Variants in COL25A1 observed in about 807,000 individuals in gnomAD.
COL25A1 encodes collagen type XXV alpha 1 chain, also known as collagen alpha-1(XXV) chain.
A neutral mutation model predicts 128.4 loss-of-function variants in COL25A1; 103 were observed. The observed-to-expected ratio is 0.80, with a 90% confidence interval of 0.68 to 0.94. The LOEUF (loss-of-function observed/expected upper bound fraction) is 0.94. Among genes scored for constraint, COL25A1 ranks in the 40% least tolerant of loss-of-function variants. COL25A1 has a pLI of 0.00. For synonymous variants in COL25A1, 279 were observed against 277.2 expected (o/e 1.01, Z -0.06); for missense variants, 745 against 840.0 (o/e 0.89, Z 1.40).
chr4:109,160,178 T>C (rs982557302), intron 3 of COL25A1, among the ~76,000 whole-genome samples: 1 of 152,222 alleles, frequency 6.6e-6, no homozygotes, highest in Non-Finnish European at 1.5e-5. Flanking sequence ...TTGCTTTTTC[T>C]AATTTATATT....
chr4:109,250,501 C>G (rs901811728), intron 3 of COL25A1, among the ~76,000 whole-genome samples: 4 of 151,882 alleles, frequency 2.6e-5, no homozygotes, highest in African/African-American at 9.7e-5. Flanking sequence ...ACCAAAAGGG[C>G]CAATGGTATA....
rs536455443 is a variant in COL25A1, at chr4:109,109,198, A to G, written c.368-59019T>C. ...CCTCCTCCTGGGTTCAAGCTATTCCAGTGCCTCATCTTTCCAAATAGCTGG... is the reference window on the plus strand; with the variant it reads ...CCTCCTCCTGGGTTCAAGCTATTCCGGTGCCTCATCTTTCCAAATAGCTGG... On this transcript the variant is annotated intron_variant, in intron 3 of 37. Coordinates refer to ENST00000399132, the MANE Select transcript of COL25A1 (RefSeq NM_198721.4). Among the ~76,000 whole-genome samples, 5 of 152,118 alleles carry G rather than the reference A, an allele frequency of 3.3e-5. No individual in the cohort carries two copies. The South Asian group carries it at 1.0e-3, about 32-fold the overall frequency.
intron 13 of COL25A1, among the ~76,000 whole-genome samples, chr4:108,915,900 CA>C (rs1410888158): frequency 1.3e-5 from 2 of 152,072 alleles, no homozygotes; most frequent in Admixed American, 1.3e-4. Flanking sequence ...CTTAGAAAAA[CA>C]AATTCTAGAG....
chr4:108,937,841 A>G lies in COL25A1; in HGVS notation c.675T>C (p.Gly225=). Residue 225 remains glycine (G), a splice_region_variant and synonymous_variant, in exon 11 of 38, where the codon GGT becomes GGC. Transcript: ENST00000399132. ...CTTGTTCTCCTGGCTTTCCTGGTTC[A>G]CCCTTAAAAAAGAATAGTGATAATT... ...DGPRGMPGVP[G]EPGKPGEQGL... 1.2e-6 allele frequency: 2 copies of G among 1,605,360 alleles called. No homozygotes were observed. The highest frequency in any genetic ancestry group is 1.7e-6 in the Non-Finnish European group (2 of 1,176,706).
intron 16 of COL25A1, among the ~76,000 whole-genome samples, chr4:108,895,283 C>T (rs1039681066): frequency 1.3e-5 from 2 of 152,074 alleles, no homozygotes; most frequent in Non-Finnish European, 2.9e-5. Context: ...TAGTAATTTT[C>T]AAAGTGGAAT....
At position 109,029,474 on chromosome 4, in the gene COL25A1, A is replaced by C. The variant is rs374275167; in HGVS notation, c.420+18694T>G. Among the ~76,000 whole-genome samples, 5 of 152,286 alleles carry C rather than the reference A, an allele frequency of 3.3e-5. No individual in the cohort carries two copies. In the East Asian group the frequency reaches 9.7e-4, roughly 29 times the overall value. ...GGAAGGGCGAGTACAGCACAGTAAAATATGTTGAGAGACCAAATTTATATA... is the reference window on the plus strand; with the variant it reads ...GGAAGGGCGAGTACAGCACAGTAAACTATGTTGAGAGACCAAATTTATATA... On this transcript the variant is annotated intron_variant, in intron 5 of 37. Transcript: ENST00000399132.
At chr4:109,101,205 GA>G (rs1353803936) in intron 3 of COL25A1, among the ~76,000 whole-genome samples, 4 of 152,136 alleles carry the variant, frequency 2.6e-5, no homozygotes, top group Non-Finnish European at 5.9e-5. Flanking sequence ...GAGTAAAAAA[GA>G]ACCACAAGAC....
chr4:109,095,528 T>C (rs1251961826), intron 3 of COL25A1, among the ~76,000 whole-genome samples: 1 of 152,162 alleles, frequency 6.6e-6, no homozygotes, highest in African/African-American at 2.4e-5. Flanking sequence ...ACTACTGGTG[T>C]GCAGCCCACA....
chr4:109,007,567 C>A (rs1398808392), intron 6 of COL25A1, among the ~76,000 whole-genome samples: 2 of 151,884 alleles, frequency 1.3e-5, no homozygotes, highest in Non-Finnish European at 2.9e-5. Flanking sequence ...AATTTATTGA[C>A]TTCCTTTTGC....
chr4:109,081,118 T>C (rs1295807243), intron 3 of COL25A1, among the ~76,000 whole-genome samples: 1 of 152,212 alleles, frequency 6.6e-6, no homozygotes, highest in Non-Finnish European at 1.5e-5. Flanking sequence ...CATAATTTAC[T>C]GTGCATCTCC....
At chr4:108,824,922 T>C (rs1005039142) in intron 34 of COL25A1, among the ~76,000 whole-genome samples, 4 of 152,196 alleles carry the variant, frequency 2.6e-5, no homozygotes, top group Non-Finnish European at 5.9e-5. Flanking sequence ...GTCATGCTGA[T>C]GTTAAGAGTA....
chr4:108,922,029 A>G (rs913614760), intron 11 of COL25A1, among the ~76,000 whole-genome samples: 2 of 152,122 alleles, frequency 1.3e-5, no homozygotes, highest in East Asian at 1.9e-4. Context: ...CCCTCCTCCT[A>G]TACAAGGCAA....
In COL25A1 at chr4:109,050,149, C is replaced by G; in HGVS notation, c.398G>C (p.Arg133Pro). 6.2e-7 allele frequency: 1 copy of G among 1,608,894 alleles called. No individual in the cohort carries two copies. The highest frequency in any genetic ancestry group is 8.5e-7 in the Non-Finnish European group (1 of 1,176,670). ...GAGAGACTTACCAGATTCTCCTCTT[C>G]GGCCTCTCTTACCTCGTTTCCCTGG... ...GPPGKRGKRG[R>P]RGESGPPGQP... is the part of the protein sequence containing the mutation. The change falls in exon 4 of 38, where the codon CGA (arginine) becomes CCA (proline). Residue 133 changes from arginine (R) to proline (P), a missense_variant. Arg to Pro is a moderately radical substitution (Grantham distance 103, BLOSUM62 -2). Transcript: ENST00000399132.
intron 3 of COL25A1, among the ~76,000 whole-genome samples, chr4:109,134,194 G>GT (rs34802354): frequency 0.37 from 53,694 of 145,164 alleles, 12,238 homozygotes; most frequent in African/African-American, 0.66. Context: ...ATTATAGGAG[G>GT]TTTTTTTTTT....
intron 3 of COL25A1, among the ~76,000 whole-genome samples, chr4:109,272,112 T>G (rs1184625529): frequency 6.6e-6 from 1 of 152,072 alleles, no homozygotes; most frequent in Non-Finnish European, 1.5e-5. Flanking sequence ...GGTGTGTACC[T>G]GTAGTTCCTG....
chr4:109,281,281 T>C (rs1723365726), intron 3 of COL25A1, among the ~76,000 whole-genome samples: 1 of 152,112 alleles, frequency 6.6e-6, no homozygotes, highest in Non-Finnish European at 1.5e-5. Context: ...CAGAATGCCA[T>C]CAAGTAACCA....
chr4:109,000,075 C>T (rs912418740), intron 6 of COL25A1, among the ~76,000 whole-genome samples: 1 of 151,984 alleles, frequency 6.6e-6, no homozygotes, highest in African/African-American at 2.4e-5. Context: ...TGTAACAAAC[C>T]TGCACATTGT....
intron 19 of COL25A1, among the ~76,000 whole-genome samples, chr4:108,877,442 C>T (rs1739576035): frequency 6.6e-6 from 1 of 152,134 alleles, no homozygotes; most frequent in African/African-American, 2.4e-5. Context: ...TGTCCATAAA[C>T]TGGCTATATG....
chr4:109,254,503 A>ATATATATATATATATATATG (rs1553968411), intron 3 of COL25A1, among the ~76,000 whole-genome samples: 1 of 113,900 alleles, frequency 8.8e-6, no homozygotes, highest in African/African-American at 3.3e-5. Context: ...ATATATATAT[A>ATATATATATATATATATATG]TATGTATGTG....
Sources: gnomAD v4.1 joint callset for allele counts (sites outside exome capture counted in the v4.1 genomes callset) on GRCh38, gnomAD v4.1.1 for gene constraint, MANE v1.5 for transcripts, NCBI Gene and HGNC (gene_info 2026-07-23, HGNC 2026-07-21) for gene names.